Variants in RPRD1A observed in about 807,000 individuals in gnomAD.
RPRD1A encodes the protein regulation of nuclear pre-mRNA domain containing 1A.
A neutral mutation model predicts 37.8 loss-of-function variants in RPRD1A; 9 were observed. The ratio of observed to expected loss-of-function variants is 0.24; its 90% CI spans 0.14 to 0.42. The LOEUF (loss-of-function observed/expected upper bound fraction) is 0.42. Ranked by LOEUF, RPRD1A falls within the 10% of genes least tolerant of loss-of-function variation. The pLI is 1.00. For missense variants in RPRD1A, 255 were observed against 371.0 expected (o/e 0.69, Z 2.57); for synonymous variants, 138 against 139.7 (o/e 0.99, Z 0.08).
intron 1 of RPRD1A, among the ~76,000 whole-genome samples, chr18:36,037,471 C>T (rs1444896401): frequency 6.6e-6 from 1 of 152,208 alleles, no homozygotes; most frequent in African/African-American, 2.4e-5. Flanking sequence ...CCCTGAAGAA[C>T]TGTGAGTCAA....
intron 6 of RPRD1A, among the ~76,000 whole-genome samples, chr18:36,022,074 G>T (rs1316332575): frequency 6.6e-6 from 1 of 152,206 alleles, no homozygotes; most frequent in Non-Finnish European, 1.5e-5. Flanking sequence ...TATGTAGGAA[G>T]TTTCAGTAGT....
rs145511171 is a variant in RPRD1A, at chr18:35,999,796, A to G, written c.790-6496T>C. Among the ~76,000 whole-genome samples the G allele has an allele frequency of 3.3e-5, 5 of 152,322 alleles. No individual in the cohort carries two copies. In the East Asian group the frequency reaches 7.7e-4, roughly 23 times the overall value. ...AAAAACAGCAGAATTTGTAGAGAAAAAAGGTGCAAAGTTTGTTTTCTCTGG... is the reference window on the plus strand; with the variant it reads ...AAAAACAGCAGAATTTGTAGAGAAAGAAGGTGCAAAGTTTGTTTTCTCTGG... On this transcript the variant is annotated intron_variant, in intron 6 of 6. Transcript: ENST00000399022.
intron 1 of RPRD1A, among the ~76,000 whole-genome samples, chr18:36,062,114 G>A (rs2088923296): frequency 1.3e-5 from 2 of 151,280 alleles, no homozygotes; most frequent in South Asian, 2.1e-4. Flanking sequence ...TCAGGAGATC[G>A]AGACCATCCT....
chr18:36,034,777 G>C (rs1806211185), intron 1 of RPRD1A, among the ~76,000 whole-genome samples: 1 of 152,134 alleles, frequency 6.6e-6, no homozygotes, highest in African/African-American at 2.4e-5. Context: ...CAAAAATCTT[G>C]ATCAGGCTAC....
chr18:36,040,809 T>C, intron 1 of RPRD1A: 1 of 1,513,470 alleles, frequency 6.6e-7, no homozygotes. Flanking sequence ...TCACTTACAG[T>C]AAATTCCTGT....
At chr18:36,012,864 G>C (rs77255804) in intron 6 of RPRD1A, among the ~76,000 whole-genome samples, 2 of 152,344 alleles carry the variant, frequency 1.3e-5, no homozygotes, top group East Asian at 3.9e-4. Flanking sequence ...TAATTAAACA[G>C]TATTTTGCAT....
intron 6 of RPRD1A, among the ~76,000 whole-genome samples, chr18:36,024,630 T>C (rs1911236600): frequency 6.6e-6 from 1 of 152,224 alleles, no homozygotes; most frequent in Non-Finnish European, 1.5e-5. Flanking sequence ...ACTTTAAATT[T>C]ATGTTCCATT....
intron 6 of RPRD1A, among the ~76,000 whole-genome samples, chr18:36,020,816 T>TA (rs886570320): frequency 7.1e-4 from 101 of 142,916 alleles, no homozygotes; most frequent in South Asian, 1.8e-3. Context: ...CCTGTCTATT[T>TA]AAAAAAAAAA....
At chr18:36,028,178 T>A (rs1397343059) in intron 4 of RPRD1A, 1 of 152,022 alleles carries the variant, frequency 6.6e-6, no homozygotes, top group Non-Finnish European at 1.5e-5. Flanking sequence ...AAATTACACA[T>A]ATGCTTTAAA....
intron 6 of RPRD1A, among the ~76,000 whole-genome samples, chr18:36,021,314 T>C (rs576368512): frequency 2.2e-4 from 34 of 151,950 alleles, no homozygotes; most frequent in African/African-American, 8.2e-4. Context: ...ATGTGCTCAC[T>C]TAAGTGTCTG....
intron 6 of RPRD1A, among the ~76,000 whole-genome samples, chr18:36,015,173 T>TACACACACAC (rs368940718): frequency 4.0e-4 from 53 of 130,950 alleles, no homozygotes; most frequent in African/African-American, 9.2e-4. Context: ...TACACATATA[T>TACACACACAC]ACACACACAC....
At chr18:36,058,526 T>C (rs1266798158) in intron 1 of RPRD1A, among the ~76,000 whole-genome samples, 1 of 152,232 alleles carries the variant, frequency 6.6e-6, no homozygotes, top group African/African-American at 2.4e-5. Flanking sequence ...CAACAACTTT[T>C]TTTAAAAAAC....
chr18:36,011,299 A>T (rs1910165406), intron 6 of RPRD1A, among the ~76,000 whole-genome samples: 1 of 152,196 alleles, frequency 6.6e-6, no homozygotes, highest in Non-Finnish European at 1.5e-5. Context: ...AAACTTAGGT[A>T]ATACTGCTCC....
intron 6 of RPRD1A, among the ~76,000 whole-genome samples, chr18:36,020,389 C>G (rs1184818646): frequency 6.6e-6 from 1 of 152,128 alleles, no homozygotes; most frequent in Non-Finnish European, 1.5e-5. Context: ...ATCTAACCAG[C>G]AAATCTGGTG....
chr18:36,056,677 G>A (rs573664309), intron 1 of RPRD1A, among the ~76,000 whole-genome samples: 13 of 151,940 alleles, frequency 8.6e-5, no homozygotes, highest in East Asian at 3.9e-4. Flanking sequence ...AGCATTCAAC[G>A]TAAGTATGGT....
chr18:36,012,028 T>TA (rs1327940293), intron 6 of RPRD1A, among the ~76,000 whole-genome samples: 3 of 152,190 alleles, frequency 2.0e-5, no homozygotes. Context: ...CATCCCTTAA[T>TA]CCAGCATGTT....
At chr18:36,057,051 CAAAAAAAAAAAAAAAA>C (rs35428437) in intron 1 of RPRD1A, among the ~76,000 whole-genome samples, 3 of 44,736 alleles carry the variant, frequency 6.7e-5, no homozygotes, top group African/African-American at 1.7e-4. Context: ...CCTGTTTCTA[CAAAAAAAAAAAAAAAA>C]AAAAAAAAAA....
chr18:36,052,365 C>T (rs183115423), intron 1 of RPRD1A, among the ~76,000 whole-genome samples: 289 of 151,434 alleles, frequency 1.9e-3, no homozygotes, highest in Non-Finnish European at 3.4e-3. Flanking sequence ...TAAGAAATAA[C>T]GAACATCAAT....
At position 36,002,540 on chromosome 18, in the gene RPRD1A, C is replaced by T. The variant is rs529313357; in HGVS notation, c.790-9240G>A. ...TCCTCCCACCTAAGCCTCCCAGTGT[C>T]GGTAATTTTTTTTCCCCTAGCATTT... On this transcript the variant is annotated intron_variant, in intron 6 of 6. Transcript: ENST00000399022. 3.7e-4 allele frequency among the ~76,000 whole-genome samples: 57 copies of T among 152,208 alleles called. No homozygotes were observed. In the Middle Eastern group the frequency reaches 0.014, roughly 36 times the overall value.
Sources: gnomAD v4.1 joint callset for allele counts (sites outside exome capture counted in the v4.1 genomes callset) on GRCh38, gnomAD v4.1.1 for gene constraint, MANE v1.5 for transcripts, NCBI Gene and HGNC (gene_info 2026-07-23, HGNC 2026-07-21) for gene names.